TGFB3: variants seen among roughly 807,000 people sequenced by gnomAD.
TGFB3 encodes transforming growth factor beta 3.
In TGFB3, 5 loss-of-function variants were observed where a neutral mutation model predicts 40.1. The observed-to-expected ratio is 0.12, with a 90% CI of 0.07 to 0.26. The LOEUF (loss-of-function observed/expected upper bound fraction) is 0.26. TGFB3 is among the 10% of genes least tolerant of loss of function. TGFB3 has a pLI of 1.00. For synonymous variants in TGFB3, 184 were observed against 205.6 expected (o/e 0.89, Z 0.90); for missense variants, 373 against 530.1 (o/e 0.70, Z 2.91).
chr14:75,959,327 T>A lies in TGFB3; in HGVS notation c.1099A>T (p.Thr367Ser). 7 of 1,613,686 alleles carry A rather than the reference T, an allele frequency of 4.3e-6. No individual in the cohort carries two copies. The highest frequency in any genetic ancestry group is 5.1e-6 in the Non-Finnish European group (6 of 1,179,864). The change falls in exon 7 of 7, where the codon ACT (threonine) becomes TCT (serine). Residue 367 changes from threonine (T) to serine (S), a missense_variant. Physicochemically the swap from Thr to Ser is moderately conservative, Grantham distance 58 (BLOSUM62 1). Coordinates refer to ENST00000238682, the MANE Select transcript of TGFB3 (RefSeq NM_003239.5). ...GAGGCAGATGCTTCAGGGTTCAGAG[T>A]GTTGTACAGTCCCAGCACCTGGGAA... ...THSTVLGLYN[T>S]LNPEASASPC...
intron 3 of TGFB3, 46 bp from the exon 4 acceptor site, chr14:75,965,741 G>A: frequency 6.6e-7 from 1 of 1,507,862 alleles, no homozygotes; most frequent in Non-Finnish European, 9.2e-7. Context: ...TCTGTGTGAT[G>A]GGGAAGTGTG....
chr14:75,961,530 C>G (rs1361816551), intron 5 of TGFB3, among the ~76,000 whole-genome samples: 2 of 152,190 alleles, frequency 1.3e-5, no homozygotes. Context: ...AATCCAAAGG[C>G]CATTTAGCCA....
chr14:75,964,763 G>A (rs11466433), intron 4 of TGFB3, among the ~76,000 whole-genome samples: 3 of 152,124 alleles, frequency 2.0e-5, no homozygotes, highest in Non-Finnish European at 4.4e-5. Flanking sequence ...GACTCCAAAG[G>A]TCCTCTGGGC....
At position 75,958,126 on chromosome 14, in the gene TGFB3, T is replaced by C. The variant is rs1448618683; in HGVS notation, c.*1061A>G. 6.5e-6 allele frequency: 1 copy of C among 152,690 alleles called. No individual in the cohort carries two copies. The highest frequency in any genetic ancestry group is 1.5e-5 in the Non-Finnish European group (1 of 68,052). The allele number at this position is 152,690 out of a possible 1,614,324, so 9.5% of individuals were successfully genotyped here. ...CCTTAGAATAAGGCTTTTACTGTTC[T>C]AGAAACAATATTCCAGAAGATGAAA... On this transcript the variant is annotated 3_prime_UTR_variant, in exon 7 of 7. Coordinates refer to ENST00000238682, the MANE Select transcript of TGFB3 (RefSeq NM_003239.5).
intron 5 of TGFB3, among the ~76,000 whole-genome samples, chr14:75,961,292 A>C (rs1036406592): frequency 1.3e-5 from 2 of 152,168 alleles, no homozygotes; most frequent in African/African-American, 4.8e-5. Context: ...ACAGAGATAA[A>C]TGCTGCATGA....
intron 3 of TGFB3, among the ~76,000 whole-genome samples, chr14:75,968,437 G>A (rs371314415): frequency 5.3e-5 from 8 of 152,182 alleles, no homozygotes; most frequent in South Asian, 4.1e-4. Flanking sequence ...GTTTTATTAC[G>A]AAATTATCTT....
upstream of TGFB3, among the ~76,000 whole-genome samples, chr14:75,982,327 T>G (rs1334169645): frequency 6.6e-6 from 1 of 152,076 alleles, no homozygotes. The surrounding 1 kb of genome is among the most constrained non-coding windows in gnomAD (Gnocchi z 4.0). Flanking sequence ...GCGGCCCGCG[T>G]CTACTCTCCC....
chr14:75,977,477 C>A (rs546576675), intron 1 of TGFB3, among the ~76,000 whole-genome samples: 3 of 152,288 alleles, frequency 2.0e-5, no homozygotes, highest in Admixed American at 2.0e-4. Flanking sequence ...TTATAAAATT[C>A]TTTCAGCTGA....
chr14:75,970,606 ATAG>A lies in TGFB3; in HGVS notation c.646+517_646+519del, dbSNP rs905017630. 9 of 140,900 alleles carry A rather than the reference ATAG, an allele frequency of 6.4e-5. No individual in the cohort carries two copies. The South Asian group carries it at 1.6e-3, about 25-fold the overall frequency. 8.7% of individuals were successfully genotyped at this position (140,900 alleles called of 1,614,324 possible). On this transcript the variant is annotated intron_variant, in intron 3 of 6. Transcript: ENST00000238682. ...AATAATAATAATAATAATAATAATA[ATAG>A]TAATAATAAATTATATGGCCCCAGC...
chr14:75,967,601 G>T (rs2035234836), intron 3 of TGFB3, among the ~76,000 whole-genome samples: 1 of 152,200 alleles, frequency 6.6e-6, no homozygotes, highest in Non-Finnish European at 1.5e-5. Flanking sequence ...GAGAGTGAGG[G>T]TCCAGGATGT....
In TGFB3 at chr14:75,980,444, A is replaced by G; in HGVS notation, c.352+98T>C. The G allele has an allele frequency of 8.0e-7, 1 of 1,250,378 alleles. No individual in the cohort carries two copies. Among genetic ancestry groups the G allele is most frequent in the South Asian group, 1.2e-5 (1 of 83,198 alleles). The allele number at this position is 1,250,378 out of a possible 1,614,324, so 77.5% of individuals were successfully genotyped here. A position where few individuals can be genotyped will look rare whatever the true frequency, so the allele number is the denominator to read the frequency against. ...CCTTGGTGCTGGTGAATCCTGGGGC[A>G]CCCTGCTGTGTGGCCAGCACTAGGC... On this transcript the variant is annotated intron_variant, in intron 1 of 6. Transcript: ENST00000238682. The surrounding 1 kb of genome is among the most constrained non-coding windows in gnomAD (Gnocchi z 4.3).
At position 75,971,854 on chromosome 14, in the gene TGFB3, T is replaced by TC. The variant is rs2035298683; in HGVS notation, c.353-137_353-136insG. 5 of 889,542 alleles carry TC rather than the reference T, an allele frequency of 5.6e-6. No homozygotes were observed. In the African/African-American group the frequency reaches 8.3e-5, roughly 15 times the overall value. The allele number at this position is 889,542 out of a possible 1,614,324, so 55.1% of individuals were successfully genotyped here. A position where few individuals can be genotyped will look rare whatever the true frequency, so the allele number is the denominator to read the frequency against. On this transcript the variant is annotated intron_variant, in intron 1 of 6. Coordinates refer to ENST00000238682, the MANE Select transcript of TGFB3 (RefSeq NM_003239.5). This position sits in a 1 kb window ranked among gnomAD's most constrained non-coding sequence, Gnocchi z 4.5. The stretch of plus-strand genomic sequence containing the variant: ...AGGCTTGAGGCCTCAGACCGCAAGG[T>TC]GGAGATACGAGGAAGATTCTTGGTG...
chr14:75,969,460 G>A (rs1047482146), intron 3 of TGFB3, among the ~76,000 whole-genome samples: 30 of 152,284 alleles, frequency 2.0e-4, no homozygotes, highest in Middle Eastern at 3.4e-3. Context: ...GGACGACCTC[G>A]GTCAAGTCAC....
chr14:75,959,694 C>G (rs2035129334), intron 6 of TGFB3, among the ~76,000 whole-genome samples: 1 of 151,758 alleles, frequency 6.6e-6, no homozygotes, highest in Non-Finnish European at 1.5e-5. Flanking sequence ...TCACCTGAAT[C>G]CAGGAAGCAG....
At chr14:75,970,877 C>G (rs2035282433) in intron 3 of TGFB3, 1 of 474,346 alleles carries the variant, frequency 2.1e-6, no homozygotes, top group South Asian at 2.0e-5. Context: ...ACTCCACCCA[C>G]TCATTGTCAC....
rs987854187 is a variant in TGFB3 at position 75,978,305 on chromosome 14, G to A, written c.352+2237C>T. ...AAGACAGGCTTCCTTCCCCCACCCC[G>A]CCCCGCCGCCTTGCAAGCCCCTGAT... On this transcript the variant is annotated intron_variant, in intron 1 of 6. Transcript: ENST00000238682. This position sits in a 1 kb window ranked among gnomAD's most constrained non-coding sequence, Gnocchi z 5.0. 6.7e-5 allele frequency among the ~76,000 whole-genome samples: 10 copies of A among 148,938 alleles called. No individual in the cohort carries two copies. Among genetic ancestry groups the A allele is most frequent in the African/African-American group, 1.5e-4 (6 of 40,852 alleles).
In TGFB3 at chr14:75,971,530, G is replaced by A. The variant is rs758147001; in HGVS notation, c.516+25C>T. On this transcript the variant is annotated intron_variant, in intron 2 of 6. Transcript: ENST00000238682. This position sits in a 1 kb window ranked among gnomAD's most constrained non-coding sequence, Gnocchi z 4.5. ...AGGAACCAGCTTTCCCGTCGGTGTG[G>A]TTTCTGCTCTGAGAGAGGAGTTACC... The A allele has an allele frequency of 1.9e-6, 3 of 1,613,662 alleles. No individual in the cohort carries two copies. Among genetic ancestry groups the A allele is most frequent in the East Asian group, 4.5e-5 (2 of 44,898 alleles).
At position 75,971,526 on chromosome 14, in the gene TGFB3, T is replaced by G; in HGVS notation, c.516+29A>C. 6.2e-7 allele frequency: 1 copy of G among 1,613,520 alleles called. No homozygotes were observed. Among genetic ancestry groups the G allele is most frequent in the Non-Finnish European group, 8.5e-7 (1 of 1,179,786 alleles). On this transcript the variant is annotated intron_variant, in intron 2 of 6. Transcript: ENST00000238682. The surrounding 1 kb of genome is among the most constrained non-coding windows in gnomAD (Gnocchi z 4.5). Reference sequence around the variant, plus strand: ...GCAAAGGAACCAGCTTTCCCGTCGGTGTGGTTTCTGCTCTGAGAGAGGAGT... The same window carrying G: ...GCAAAGGAACCAGCTTTCCCGTCGGGGTGGTTTCTGCTCTGAGAGAGGAGT...
At chr14:75,970,943 C>G (rs1333305193) in intron 3 of TGFB3, 183 bp downstream of exon 3, 2 of 809,812 alleles carry the variant, frequency 2.5e-6, no homozygotes, top group East Asian at 5.6e-5. Context: ...TCCCCAGGGC[C>G]TGTCTTACAG....
Sources: gnomAD v4.1 joint callset for allele counts (sites outside exome capture counted in the v4.1 genomes callset) on GRCh38, gnomAD v4.1.1 for gene constraint, Gnocchi (gnomAD v3.1) non-coding constraint, MANE v1.5 for transcripts, NCBI Gene and HGNC (gene_info 2026-07-23, HGNC 2026-07-21) for gene names.